RIC1: variants seen among roughly 807,000 people sequenced by gnomAD.
The protein encoded by RIC1 is guanine nucleotide exchange factor subunit RIC1.
A neutral mutation model predicts 169.0 loss-of-function variants in RIC1; 88 were observed. The ratio of observed to expected loss-of-function variants is 0.52; its 90% CI spans 0.44 to 0.62. The LOEUF (loss-of-function observed/expected upper bound fraction) is 0.62, where lower values mean the gene tolerates loss of function less well. Ranked by LOEUF, RIC1 falls within the 20% of genes least tolerant of loss-of-function variation. The probability of loss-of-function intolerance (pLI) is 0.00; values close to 1 mark genes in which losing one functional copy is unlikely to be tolerated. For missense variants in RIC1, 1,877 were observed against 1,725.5 expected (o/e 1.09, Z -1.56); for synonymous variants, 790 against 601.5 (o/e 1.31, Z -4.59).
In RIC1 at chr9:5,762,628, A is replaced by G; in HGVS notation, c.2080A>G (p.Lys694Glu). 3 of 1,613,988 alleles carry G rather than the reference A, an allele frequency of 1.9e-6. No homozygotes were observed. In the South Asian group the frequency reaches 3.3e-5, roughly 18 times the overall value. ...RDRSGPQIRE[K>E]DSNPNNQRKL... ...CAGGTCAGGCCCACAGATCCGGGAG[A>G]AGGACAGTAACCCTAATAACCAAAG... The change falls in exon 18 of 26, where the codon AAG becomes GAG. Residue 694 changes from lysine to glutamate, a missense_variant. Around this residue, in one of 3 missense-constraint regions of RIC1, gnomAD observed 1,104 missense variants for 992.0 expected, o/e 1.11. Transcript: ENST00000414202.
chr9:5,638,830 C>G lies in RIC1; in HGVS notation c.144+9377C>G, dbSNP rs924379852. 2.6e-5 allele frequency among the ~76,000 whole-genome samples: 4 copies of G among 152,088 alleles called. 1 individual carries two copies. The South Asian group carries it at 8.3e-4, about 32-fold the overall frequency. On this transcript the variant is annotated intron_variant, in intron 1 of 25. Transcript: ENST00000414202. ...TCAAGTTAATTTATTTCTGCTCCATCTTTATTATTTCTGTTACTAATTTTG... is the reference window on the plus strand; with the variant it reads ...TCAAGTTAATTTATTTCTGCTCCATGTTTATTATTTCTGTTACTAATTTTG...
downstream of RIC1, among the ~76,000 whole-genome samples, chr9:5,777,394 A>G (rs1160316207): frequency 6.7e-6 from 1 of 149,362 alleles, no homozygotes; most frequent in Non-Finnish European, 1.5e-5. Context: ...TGTACCCATT[A>G]AATACTGCTA....
intron 22 of RIC1, chr9:5,769,623 A>G: frequency 2.4e-6 from 1 of 425,096 alleles, no homozygotes; most frequent in South Asian, 3.1e-5. Flanking sequence ...ATTCCAGGGG[A>G]ACAGTAAGGC....
intron 1 of RIC1, among the ~76,000 whole-genome samples, chr9:5,635,833 A>G (rs1817947043): frequency 6.6e-6 from 1 of 152,188 alleles, no homozygotes; most frequent in Non-Finnish European, 1.5e-5. Context: ...GCCAGCATGT[A>G]ACAAGTGCCT....
intron 2 of RIC1, among the ~76,000 whole-genome samples, chr9:5,657,926 C>T (rs1024552122): frequency 2.6e-5 from 4 of 152,024 alleles, no homozygotes; most frequent in East Asian, 3.8e-4. Flanking sequence ...TACTGGGGCA[C>T]GAAAATCCTC....
intron 3 of RIC1, among the ~76,000 whole-genome samples, chr9:5,695,359 A>C (rs1563907473): frequency 6.6e-6 from 1 of 152,170 alleles, no homozygotes; most frequent in East Asian, 1.9e-4. Context: ...AATCCTGGGA[A>C]AGTCAAGAGC....
intron 3 of RIC1, among the ~76,000 whole-genome samples, chr9:5,692,121 A>C (rs964745935): frequency 6.6e-6 from 1 of 152,060 alleles, no homozygotes; most frequent in Non-Finnish European, 1.5e-5. Context: ...ACTATATTGA[A>C]AGTTTTAGGT....
intron 1 of RIC1, among the ~76,000 whole-genome samples, chr9:5,645,531 T>C (rs1045886507): frequency 6.6e-5 from 10 of 152,216 alleles, no homozygotes; most frequent in African/African-American, 2.4e-4. Flanking sequence ...TGAAGCTTCG[T>C]ACCCTGTAAA....
chr9:5,774,032 T>A lies in RIC1; in HGVS notation c.4058T>A (p.Val1353Asp). ...CTCAGTGAGATAACAGAAGAGCAGG[T>A]CCAGCCAGATGCCTTCCAACCAATA... ...QKLSEITEEQVQPDAFQPITM... is the reference protein window; with the variant it reads ...QKLSEITEEQDQPDAFQPITM... Residue 1353 changes from valine (V) to aspartate (D), a missense_variant, in exon 26 of 26, where the codon GTC becomes GAC. Around this residue, in one of 3 missense-constraint regions of RIC1, gnomAD observed 681 missense variants for 582.0 expected, o/e 1.17. Transcript: ENST00000414202. 4 of 1,613,972 alleles carry A rather than the reference T, an allele frequency of 2.5e-6. No homozygotes were observed. Among genetic ancestry groups the A allele is most frequent in the Non-Finnish European group, 3.4e-6 (4 of 1,179,956 alleles).
At chr9:5,680,787 T>C (rs1016884720) in intron 2 of RIC1, among the ~76,000 whole-genome samples, 6 of 149,404 alleles carry the variant, frequency 4.0e-5, no homozygotes, top group African/African-American at 1.5e-4. Context: ...TGTTGATCTT[T>C]CCAGAACACC....
At chr9:5,731,651 C>T (rs1477006440) in intron 6 of RIC1, among the ~76,000 whole-genome samples, 1 of 152,038 alleles carries the variant, frequency 6.6e-6, no homozygotes, top group Non-Finnish European at 1.5e-5. Context: ...AATCTATTCT[C>T]TATATATGGA....
chr9:5,691,804 A>G (rs1310876170), intron 3 of RIC1, among the ~76,000 whole-genome samples: 1 of 152,004 alleles, frequency 6.6e-6, no homozygotes, highest in African/African-American at 2.4e-5. Flanking sequence ...CCATTAATTT[A>G]TGTTCCTGTG....
intron 4 of RIC1, among the ~76,000 whole-genome samples, chr9:5,717,368 T>G (rs553203997): frequency 2.6e-5 from 4 of 152,274 alleles, no homozygotes; most frequent in Non-Finnish European, 4.4e-5. Flanking sequence ...GAATAAACGA[T>G]GCTGACTCCT....
intron 1 of RIC1, among the ~76,000 whole-genome samples, chr9:5,654,070 G>C (rs1031278387): frequency 6.6e-6 from 1 of 152,026 alleles, no homozygotes; most frequent in African/African-American, 2.4e-5. Context: ...CATGATCTCA[G>C]CTCACTGCAA....
chr9:5,740,354 A>G (rs1204312451), intron 8 of RIC1, among the ~76,000 whole-genome samples: 1 of 152,010 alleles, frequency 6.6e-6, no homozygotes, highest in African/African-American at 2.4e-5. Flanking sequence ...AGAAACCCCA[A>G]AACCAATGAA....
chr9:5,685,868 A>C (rs1009859839), intron 2 of RIC1, among the ~76,000 whole-genome samples: 1 of 139,202 alleles, frequency 7.2e-6, no homozygotes, highest in Non-Finnish European at 1.6e-5. Flanking sequence ...AATTTTTGCA[A>C]CCTACTCATC....
At chr9:5,702,700 G>A (rs1002789165) in intron 3 of RIC1, among the ~76,000 whole-genome samples, 1 of 151,950 alleles carries the variant, frequency 6.6e-6, no homozygotes, top group Non-Finnish European at 1.5e-5. Context: ...CGCCATGCCC[G>A]GCTAATTTTT....
intron 3 of RIC1, chr9:5,713,552 A>T: frequency 5.1e-6 from 1 of 195,706 alleles, no homozygotes; most frequent in Non-Finnish European, 1.1e-5. Flanking sequence ...TTTTTTCCAT[A>T]GTTGTCCACC....
At chr9:5,662,789 C>G (rs1309576463) in intron 2 of RIC1, among the ~76,000 whole-genome samples, 1 of 152,018 alleles carries the variant, frequency 6.6e-6, no homozygotes, top group Non-Finnish European at 1.5e-5. Context: ...ATAACCAGCT[C>G]TTGGATTCAT....
Sources: gnomAD v4.1 joint callset for allele counts (sites outside exome capture counted in the v4.1 genomes callset) on GRCh38, gnomAD v4.1.1 for gene constraint, gnomAD v4.1.1 regional missense constraint, MANE v1.5 for transcripts, NCBI Gene and HGNC (gene_info 2026-07-23, HGNC 2026-07-21) for gene names.